Variants in STK3 observed in about 807,000 individuals in gnomAD.
The protein encoded by STK3 is serine/threonine kinase 3.
STK3 carries 41 observed loss-of-function variants against 58.0 expected under a neutral mutation model. The observed-to-expected ratio is 0.71, with a 90% CI of 0.55 to 0.92. STK3 has a LOEUF of 0.92. Among genes scored for constraint, STK3 ranks in the 40% least tolerant of loss-of-function variants. The pLI, the probability that STK3 is intolerant of heterozygous loss-of-function variation, is 0.00. For synonymous variants in STK3, 170 were observed against 191.0 expected, an observed-to-expected ratio of 0.89 and a Z score of 0.91; for missense variants, 479 against 602.7, an observed-to-expected ratio of 0.79 and a Z score of 2.15.
intron 4 of STK3, among the ~76,000 whole-genome samples, chr8:98,721,426 A>T (rs1006625001): frequency 6.6e-6 from 1 of 152,166 alleles, no homozygotes; most frequent in African/African-American, 2.4e-5. Context: ...GCTACCCAGC[A>T]GACTGAGGTG....
intron 10 of STK3, among the ~76,000 whole-genome samples, chr8:98,480,975 T>C (rs1821803395): frequency 1.3e-5 from 2 of 152,218 alleles, no homozygotes; most frequent in Non-Finnish European, 2.9e-5. Flanking sequence ...ATATTAAAAT[T>C]TTTTATACTG....
At chr8:98,483,004 A>C (rs1010018066) in intron 10 of STK3, among the ~76,000 whole-genome samples, 2 of 152,154 alleles carry the variant, frequency 1.3e-5, no homozygotes, top group Non-Finnish European at 2.9e-5. Flanking sequence ...GAGAGAGAAC[A>C]ATCTTTTAGG....
At chr8:98,917,967 T>C (rs1284034929) in intron 1 of STK3, among the ~76,000 whole-genome samples, 1 of 152,190 alleles carries the variant, frequency 6.6e-6, no homozygotes, top group Non-Finnish European at 1.5e-5. Context: ...GTGAATTACC[T>C]AGTAACAATA....
intron 4 of STK3, among the ~76,000 whole-genome samples, chr8:98,715,292 T>G (rs998050893): frequency 2.0e-5 from 3 of 151,994 alleles, no homozygotes; most frequent in South Asian, 4.2e-4. Flanking sequence ...GGGATCTAAT[T>G]AAACTAAAGA....
chr8:98,597,753 A>AC, intron 6 of STK3: 1 of 984,968 alleles, frequency 1.0e-6, no homozygotes. Context: ...GACCTTATAA[A>AC]CCCGGCTATT....
At chr8:98,374,660 A>AAAC (rs1261331736) in intron 2 of STK3, among the ~76,000 whole-genome samples, 1 of 152,156 alleles carries the variant, frequency 6.6e-6, no homozygotes, top group Non-Finnish European at 1.5e-5. Context: ...ACATCAGCTA[A>AAAC]AACAGATCCA....
At chr8:98,638,739 C>T (rs1401320278) in intron 6 of STK3, among the ~76,000 whole-genome samples, 1 of 152,072 alleles carries the variant, frequency 6.6e-6, no homozygotes, top group African/African-American at 2.4e-5. Context: ...ACAGCAACAC[C>T]AGCAAAGAGA....
At chr8:98,450,677 A>G (rs1431753105), downstream of STK3, among the ~76,000 whole-genome samples, 1 of 152,220 alleles carries the variant, frequency 6.6e-6, no homozygotes, top group Non-Finnish European at 1.5e-5. Flanking sequence ...CGTATATCCT[A>G]AAATAATAAA....
the STK3 span, among the ~76,000 whole-genome samples, chr8:98,347,172 G>C: frequency 2.4e-4 from 37 of 151,714 alleles, no homozygotes; most frequent in African/African-American, 8.8e-4. Context: ...AAAACAAAGA[G>C]TTATAGCTAA....
chr8:98,511,486 G>A (rs992910464), intron 10 of STK3, among the ~76,000 whole-genome samples: 6 of 152,012 alleles, frequency 3.9e-5, no homozygotes, highest in African/African-American at 1.4e-4. Context: ...AGAGCTAATT[G>A]ATGCTACCCT....
At chr8:98,687,544 C>T (rs1021961693) in intron 6 of STK3, among the ~76,000 whole-genome samples, 1 of 152,156 alleles carries the variant, frequency 6.6e-6, no homozygotes, top group Non-Finnish European at 1.5e-5. Context: ...TGGGGGACCC[C>T]TGTTCTAAAG....
intron 3 of STK3, chr8:98,429,488 A>G (rs1818297759): frequency 2.8e-6 from 3 of 1,073,014 alleles, no homozygotes; most frequent in Non-Finnish European, 4.2e-6. Context: ...CAGGCACCTT[A>G]TGGTTATGGT....
chr8:98,815,689 C>G (rs914309239), intron 1 of STK3, among the ~76,000 whole-genome samples: 1 of 152,102 alleles, frequency 6.6e-6, no homozygotes, highest in Non-Finnish European at 1.5e-5. Context: ...AAAAAAATGG[C>G]CACCTTTGGA....
chr8:98,527,239 A>AT (rs1355512904), intron 9 of STK3, among the ~76,000 whole-genome samples: 2 of 152,200 alleles, frequency 1.3e-5, no homozygotes, highest in African/African-American at 4.8e-5. Flanking sequence ...AAGAAAGTAA[A>AT]TTTTAAAAAC....
chr8:98,926,442 C>T (rs935575345), intron 1 of STK3, among the ~76,000 whole-genome samples: 1 of 152,130 alleles, frequency 6.6e-6, no homozygotes, highest in Non-Finnish European at 1.5e-5. Context: ...ACCCAAGATG[C>T]CACTTATGGA....
At chr8:98,482,951 A>G (rs558507304) in intron 10 of STK3, among the ~76,000 whole-genome samples, 5 of 152,336 alleles carry the variant, frequency 3.3e-5, no homozygotes, top group African/African-American at 1.2e-4. Context: ...ATGGAATGAA[A>G]GCATACGGAT....
chr8:98,682,389 T>A (rs976729104), intron 6 of STK3, among the ~76,000 whole-genome samples: 1 of 152,210 alleles, frequency 6.6e-6, no homozygotes, highest in South Asian at 2.1e-4. Flanking sequence ...TTCTTTGATA[T>A]CATTCATTTG....
intron 9 of STK3, among the ~76,000 whole-genome samples, chr8:98,543,020 A>G (rs1208727340): frequency 6.6e-6 from 1 of 152,210 alleles, no homozygotes; most frequent in African/African-American, 2.4e-5. Flanking sequence ...CTCACAATAA[A>G]GCATGACAGT....
At chr8:98,909,601 A>T (rs902920290) in intron 1 of STK3, among the ~76,000 whole-genome samples, 2 of 152,182 alleles carry the variant, frequency 1.3e-5, no homozygotes, top group African/African-American at 4.8e-5. Flanking sequence ...AAATTGAATC[A>T]TATATTATGT....
Sources: gnomAD v4.1 joint callset for allele counts (sites outside exome capture counted in the v4.1 genomes callset) on GRCh38, gnomAD v4.1.1 for gene constraint, MANE v1.5 for transcripts, NCBI Gene and HGNC (gene_info 2026-07-23, HGNC 2026-07-21) for gene names.